TFDP2: variants seen among roughly 807,000 people sequenced by gnomAD.
TFDP2 encodes transcription factor Dp-2, also known as transcription factor Dp-2 (E2F dimerization partner 2).
A neutral mutation model predicts 59.3 loss-of-function variants in TFDP2; 17 were observed. The observed-to-expected ratio is 0.29, with a 90% CI of 0.20 to 0.43. The LOEUF (loss-of-function observed/expected upper bound fraction) is 0.43. TFDP2 is among the 20% of genes least tolerant of loss of function. TFDP2 has a pLI of 1.00. For synonymous variants in TFDP2, 180 were observed against 194.7 expected (o/e 0.92, Z 0.63); for missense variants, 391 against 528.8 (o/e 0.74, Z 2.56).
At chr3:142,057,045 T>C (rs2059770920) in intron 3 of TFDP2, among the ~76,000 whole-genome samples, 1 of 152,224 alleles carries the variant, frequency 6.6e-6, no homozygotes, top group South Asian at 2.1e-4. Context: ...GAACTGTGTT[T>C]CTTATGAACA....
At chr3:141,989,265 A>G (rs1396122193) in intron 6 of TFDP2, 5 of 152,180 alleles carry the variant, frequency 3.3e-5, no homozygotes, top group African/African-American at 1.2e-4. Context: ...TTGTTTTCCT[A>G]AGAAGGTTCC....
chr3:142,088,601 C>CTT (rs1048449379), intron 3 of TFDP2, among the ~76,000 whole-genome samples: 2 of 129,974 alleles, frequency 1.5e-5, no homozygotes, highest in African/African-American at 3.0e-5. Context: ...TGCGCCAGGT[C>CTT]TTTTTTTTTT....
chr3:141,955,111 C>A (rs1333988487), intron 11 of TFDP2, among the ~76,000 whole-genome samples: 1 of 152,128 alleles, frequency 6.6e-6, no homozygotes, highest in Non-Finnish European at 1.5e-5. Context: ...CTATAGAAAC[C>A]TTCTGTCAGA....
At position 142,005,482 on chromosome 3, in the gene TFDP2, T is replaced by C. The variant is rs1371312103; in HGVS notation, c.145A>G (p.Lys49Glu). 8 of 1,612,396 alleles carry C rather than the reference T, an allele frequency of 5.0e-6. No homozygotes were observed. The highest frequency in any genetic ancestry group is 6.8e-6 in the Non-Finnish European group (8 of 1,179,074). Residue 49 changes from lysine to glutamate, a missense_variant, in exon 4 of 13, where the codon AAA becomes GAA. Lys to Glu is a moderately conservative substitution (Grantham distance 56, BLOSUM62 1). This residue lies in a region of TFDP2 where 162 missense variants were observed against 206.8 expected (regional missense o/e 0.78). Coordinates refer to ENST00000489671, the MANE Select transcript of TFDP2 (RefSeq NM_001178139.2). ...TTCACATTTATTGGTCCTAAGGTTT[T>C]TGGTAAAATCTTTGTAGGTGAGTTG... ...NTNSPTKILP[K>E]TLGPINVNVG...
chr3:142,141,257 T>C (rs978352576), intron 1 of TFDP2, among the ~76,000 whole-genome samples: 2 of 152,216 alleles, frequency 1.3e-5, no homozygotes, highest in African/African-American at 4.8e-5. Flanking sequence ...CGTCCCATTT[T>C]TCCAGGTACA....
intron 4 of TFDP2, 63 bp downstream of exon 4, chr3:142,005,378 T>A: frequency 3.0e-6 from 4 of 1,315,926 alleles, no homozygotes; most frequent in Non-Finnish European, 4.3e-6. Flanking sequence ...TTTAATGCAA[T>A]TATTCTTTAA....
At chr3:141,961,035 G>T (rs187306572) in intron 10 of TFDP2, among the ~76,000 whole-genome samples, 2 of 152,216 alleles carry the variant, frequency 1.3e-5, no homozygotes, top group Admixed American at 6.5e-5. Context: ...CAGCCTGGGG[G>T]AACAGTGTCC....
intron 3 of TFDP2, among the ~76,000 whole-genome samples, chr3:142,090,103 T>C (rs1042450019): frequency 6.6e-6 from 1 of 152,198 alleles, no homozygotes; most frequent in Non-Finnish European, 1.5e-5. Context: ...GTTCACTTAA[T>C]GTGAAGTTCC....
rs1282154773 is a variant in TFDP2 at position 141,944,516 on chromosome 3, TC to T, written c.*7996del. On this transcript the variant is annotated 3_prime_UTR_variant, in exon 13 of 13. Coordinates refer to ENST00000489671, the MANE Select transcript of TFDP2 (RefSeq NM_001178139.2). ...TTTTTTTCTCAAGAACAACTTACAC[TC>T]ATTTGAGATGCTTTTTCTTTCCTTT... 1 of 152,334 alleles carries T rather than the reference TC, an allele frequency of 6.6e-6. No individual in the cohort carries two copies. Among genetic ancestry groups the T allele is most frequent in the East Asian group, 1.9e-4 (1 of 5,190 alleles). 9.4% of individuals were successfully genotyped at this position (152,334 alleles called of 1,614,324 possible). A position where few individuals can be genotyped will look rare whatever the true frequency, so the allele number is the denominator to read the frequency against.
At position 141,949,898 on chromosome 3, in the gene TFDP2, C is replaced by G. The variant is rs1349790866; in HGVS notation, c.*2615G>C. 6.8e-6 allele frequency: 1 copy of G among 146,450 alleles called. No homozygotes were observed. The highest frequency in any genetic ancestry group is 2.0e-4 in the East Asian group (1 of 4,898). 9.1% of individuals were successfully genotyped at this position (146,450 alleles called of 1,614,324 possible). ...GATCTTGGCTCTACAACCTCCGCCT[C>G]CTGCGCTCAAGCAATCCTCCCACCT... On this transcript the variant is annotated 3_prime_UTR_variant, in exon 13 of 13. Coordinates refer to ENST00000489671, the MANE Select transcript of TFDP2 (RefSeq NM_001178139.2).
At chr3:142,040,214 G>C (rs745972310) in intron 3 of TFDP2, among the ~76,000 whole-genome samples, 1 of 152,122 alleles carries the variant, frequency 6.6e-6, no homozygotes, top group Non-Finnish European at 1.5e-5. Context: ...GGAAATATCA[G>C]GGGCTTTAAA....
intron 3 of TFDP2, among the ~76,000 whole-genome samples, chr3:142,074,750 G>T (rs2060383519): frequency 6.6e-6 from 1 of 152,146 alleles, no homozygotes; most frequent in African/African-American, 2.4e-5. Context: ...TACTCGGGAG[G>T]CTGAGGCATG....
At chr3:141,979,444 T>G (rs1322372621) in intron 6 of TFDP2, among the ~76,000 whole-genome samples, 1 of 152,192 alleles carries the variant, frequency 6.6e-6, no homozygotes, top group Admixed American at 6.5e-5. Flanking sequence ...CTTCAGGAGG[T>G]ATCCAGAAGA....
intron 3 of TFDP2, among the ~76,000 whole-genome samples, chr3:142,016,048 G>A (rs1490445098): frequency 6.6e-6 from 1 of 152,152 alleles, no homozygotes; most frequent in Non-Finnish European, 1.5e-5. Context: ...GTCTTGCTCT[G>A]TCACCCAGGC....
intron 2 of TFDP2, among the ~76,000 whole-genome samples, chr3:142,101,463 G>A (rs750526995): frequency 6.6e-6 from 1 of 152,180 alleles, no homozygotes; most frequent in East Asian, 1.9e-4. Flanking sequence ...TCCAAAAGAG[G>A]AGGGCAGGGT....
rs1306773892 is a variant in TFDP2 at position 141,963,820 on chromosome 3, G to A, written c.876C>T (p.Ser292=). 5.0e-6 allele frequency: 8 copies of A among 1,612,368 alleles called. No individual in the cohort carries two copies. The highest frequency in any genetic ancestry group is 1.3e-5 in the African/African-American group (1 of 74,780). Residue 292 remains serine, a synonymous_variant, in exon 10 of 13, where the codon TCC becomes TCT. Coordinates refer to ENST00000489671, the MANE Select transcript of TFDP2 (RefSeq NM_001178139.2). ...SRKTVIDCSI[S]SDKFEYLFNF... is the part of the protein sequence containing the mutation. ...CCTAGTTCTCCACTCACTTGTCACT[G>A]GAGATGCTGCAATCTATGACTGTTT... is the stretch of plus-strand genomic sequence containing the variant.
At chr3:142,131,497 C>G (rs190026322) in intron 1 of TFDP2, among the ~76,000 whole-genome samples, 1 of 149,980 alleles carries the variant, frequency 6.7e-6, no homozygotes, top group African/African-American at 2.5e-5. Flanking sequence ...CGAGAGTACA[C>G]CCTGTCTACC....
chr3:142,016,747 A>T (rs900478549), intron 3 of TFDP2, among the ~76,000 whole-genome samples: 1 of 152,236 alleles, frequency 6.6e-6, no homozygotes, highest in Non-Finnish European at 1.5e-5. Context: ...AGTGGATTAC[A>T]TTATACTAGG....
intron 3 of TFDP2, among the ~76,000 whole-genome samples, chr3:142,038,056 G>A (rs1946769898): frequency 6.6e-6 from 1 of 152,114 alleles, no homozygotes; most frequent in African/African-American, 2.4e-5. Flanking sequence ...TCCCAAGAGT[G>A]CTTGTGCTGA....
Sources: allele counts gnomAD v4.1 joint callset (sites outside exome capture counted in the v4.1 genomes callset), GRCh38; gene constraint gnomAD v4.1.1; regional missense constraint gnomAD v4.1.1; transcripts MANE v1.5; gene names NCBI Gene and HGNC (gene_info 2026-07-23, HGNC 2026-07-21).